Variants in CSMD3 observed in about 807,000 individuals in gnomAD.
The protein encoded by CSMD3 is CUB and Sushi multiple domains 3.
CSMD3 carries 177 observed loss-of-function variants against 435.2 expected under a neutral mutation model. The observed-to-expected ratio is 0.41, with a 90% CI of 0.36 to 0.46. The LOEUF (loss-of-function observed/expected upper bound fraction) is 0.46. CSMD3 is among the 20% of genes least tolerant of loss of function. The probability of loss-of-function intolerance (pLI) is 0.34; values close to 1 mark genes in which losing one functional copy is unlikely to be tolerated. For synonymous variants in CSMD3, 1,656 were observed against 1,520.5 expected, an observed-to-expected ratio of 1.09 and a Z score of -2.07; for missense variants, 4,265 against 4,504.6, an observed-to-expected ratio of 0.95 and a Z score of 1.52.
intron 14 of CSMD3, among the ~76,000 whole-genome samples, chr8:112,687,858 C>CA (rs1275911089): frequency 6.6e-6 from 1 of 152,078 alleles, no homozygotes; most frequent in Admixed American, 6.6e-5. Context: ...AAAGTTAAGG[C>CA]ACCCCAGTTT....
At chr8:113,087,146 T>C (rs1375903921) in intron 5 of CSMD3, among the ~76,000 whole-genome samples, 2 of 152,176 alleles carry the variant, frequency 1.3e-5, no homozygotes, top group African/African-American at 4.8e-5. Context: ...TTCCTATGGT[T>C]GTTTTTGTCT....
At position 113,125,570 on chromosome 8, in the gene CSMD3, A is replaced by G. The variant is rs567836403; in HGVS notation, c.710-26607T>C. 1.4e-4 allele frequency among the ~76,000 whole-genome samples: 22 copies of G among 151,974 alleles called. No individual in the cohort carries two copies. The South Asian group carries it at 4.6e-3, about 32-fold the overall frequency. On this transcript the variant is annotated intron_variant, in intron 4 of 70. Transcript: ENST00000297405. ...GAATAAAGAGGAGAAGGGATCAAGA[A>G]TCTTAGATATCATAAAACTGAGAGT... is the stretch of plus-strand genomic sequence containing the variant.
intron 2 of CSMD3, among the ~76,000 whole-genome samples, chr8:113,299,482 G>A (rs1297727236): frequency 6.6e-6 from 1 of 152,052 alleles, no homozygotes; most frequent in Admixed American, 6.5e-5. Context: ...TATATTTTTT[G>A]TTTGCAATAA....
chr8:113,263,531 C>T (rs2093443799), intron 3 of CSMD3, among the ~76,000 whole-genome samples: 1 of 151,850 alleles, frequency 6.6e-6, no homozygotes, highest in South Asian at 2.1e-4. Flanking sequence ...TTCCCATTTA[C>T]TTTAGCCTGT....
chr8:112,550,028 T>C (rs1827539163), intron 27 of CSMD3, among the ~76,000 whole-genome samples: 1 of 152,054 alleles, frequency 6.6e-6, no homozygotes. Context: ...TAAGTTTTTA[T>C]TCATTTTATC....
intron 28 of CSMD3, among the ~76,000 whole-genome samples, chr8:112,510,717 C>T (rs1823029639): frequency 1.3e-5 from 2 of 152,184 alleles, no homozygotes; most frequent in African/African-American, 2.4e-5. Context: ...CTGCCCATCT[C>T]GGTCATTTCT....
intron 38 of CSMD3, among the ~76,000 whole-genome samples, chr8:112,360,870 T>C (rs1443261716): frequency 6.6e-6 from 1 of 151,968 alleles, no homozygotes; most frequent in African/African-American, 2.4e-5. Context: ...TTCATTTTTT[T>C]GCAGCAGTTT....
chr8:112,562,860 T>C (rs1211851042), intron 24 of CSMD3, among the ~76,000 whole-genome samples: 1 of 151,756 alleles, frequency 6.6e-6, no homozygotes, highest in Non-Finnish European at 1.5e-5. Flanking sequence ...TATTAACATA[T>C]ATGGCAAGCA....
At chr8:112,311,243 G>A (rs1821954884) in intron 49 of CSMD3, 77 bp from the exon 50 acceptor site, 1 of 1,122,442 alleles carries the variant, frequency 8.9e-7, no homozygotes, top group South Asian at 1.3e-5. Flanking sequence ...CACCTATACA[G>A]CGACTAGTGC....
intron 1 of CSMD3, among the ~76,000 whole-genome samples, chr8:113,401,662 GTAGT>G (rs2094510718): frequency 6.6e-6 from 1 of 151,660 alleles, no homozygotes; most frequent in Non-Finnish European, 1.5e-5. Context: ...ATTTTTAGAT[GTAGT>G]TAAAGTTAAC....
chr8:113,434,615 GA>G (rs889016778), intron 1 of CSMD3, among the ~76,000 whole-genome samples: 3 of 151,758 alleles, frequency 2.0e-5, no homozygotes, highest in African/African-American at 4.8e-5. Flanking sequence ...TATTGACATT[GA>G]AAAAAAATGT....
chr8:112,297,257 A>T (rs2130727303), intron 53 of CSMD3, among the ~76,000 whole-genome samples: 1 of 151,378 alleles, frequency 6.6e-6, no homozygotes, highest in Non-Finnish European at 1.5e-5. Flanking sequence ...CTCAAAAAAA[A>T]AAAAAAAAAT....
chr8:112,856,117 C>T (rs1052798809), intron 11 of CSMD3, among the ~76,000 whole-genome samples: 16 of 151,818 alleles, frequency 1.1e-4, no homozygotes, highest in South Asian at 2.1e-4. Context: ...GTTTAAAGTG[C>T]TAGTCTAATA....
intron 5 of CSMD3, among the ~76,000 whole-genome samples, chr8:113,031,788 T>G (rs185216887): frequency 1.3e-5 from 2 of 151,610 alleles, no homozygotes; most frequent in Non-Finnish European, 3.0e-5. Flanking sequence ...GGGGTTCATA[T>G]GGTTTGGCTT....
intron 13 of CSMD3, among the ~76,000 whole-genome samples, chr8:112,710,883 T>C (rs541946166): frequency 5.9e-5 from 9 of 151,578 alleles, no homozygotes; most frequent in Admixed American, 1.3e-4. Context: ...TCTGCTTCCC[T>C]TTCTGGTACT....
At chr8:113,210,568 A>G (rs7841298) in intron 3 of CSMD3, among the ~76,000 whole-genome samples, 4,818 of 152,058 alleles carry the variant, frequency 0.032, 261 homozygotes, top group African/African-American at 0.11. Context: ...TTTACTCTAT[A>G]TAGGAGAAAA....
chr8:112,682,690 G>A (rs2075927698), intron 15 of CSMD3, 54 bp from the exon 16 acceptor site: 7 of 1,185,034 alleles, frequency 5.9e-6, no homozygotes, highest in Non-Finnish European at 8.9e-6. Context: ...TAGCCAGAGA[G>A]AGATCCTTCT....
intron 3 of CSMD3, among the ~76,000 whole-genome samples, chr8:113,241,223 G>A (rs1219286085): frequency 1.3e-5 from 2 of 152,042 alleles, no homozygotes; most frequent in Non-Finnish European, 2.9e-5. Flanking sequence ...TGGGGACTAT[G>A]TTCATCCTCT....
chr8:112,891,685 T>C (rs774726550), intron 10 of CSMD3, among the ~76,000 whole-genome samples: 1 of 151,594 alleles, frequency 6.6e-6, no homozygotes, highest in Non-Finnish European at 1.5e-5. Flanking sequence ...ATTTTCAGAC[T>C]TGCTACTAAG....
Sources: gnomAD v4.1 joint callset for allele counts (sites outside exome capture counted in the v4.1 genomes callset) on GRCh38, gnomAD v4.1.1 for gene constraint, MANE v1.5 for transcripts, NCBI Gene and HGNC (gene_info 2026-07-23, HGNC 2026-07-21) for gene names.